The following SMURF1 variants were observed in gnomAD, a reference collection of about 807,000 sequenced individuals.
The protein encoded by SMURF1 is E3 ubiquitin-protein ligase SMURF1.
In SMURF1, 44 loss-of-function variants were observed where a neutral mutation model predicts 98.0. That is an observed-to-expected ratio of 0.45 (90% CI 0.35 to 0.58). SMURF1 has a LOEUF of 0.58. Ranked by LOEUF, SMURF1 falls within the 20% of genes least tolerant of loss-of-function variation. SMURF1 has a pLI of 0.00. For synonymous variants in SMURF1, 396 were observed against 374.9 expected (o/e 1.06, Z -0.65); for missense variants, 687 against 938.4 (o/e 0.73, Z 3.50).
intron 16 of SMURF1, 82 bp from the exon 17 acceptor site, chr7:99,033,203 C>G: frequency 1.5e-6 from 2 of 1,374,054 alleles, no homozygotes; most frequent in Non-Finnish European, 2.0e-6. Flanking sequence ...AGGAGCAGGG[C>G]CCTGACCACA....
chr7:99,099,654 G>A (rs1158544293), intron 1 of SMURF1, among the ~76,000 whole-genome samples: 1 of 152,126 alleles, frequency 6.6e-6, no homozygotes, highest in Non-Finnish European at 1.5e-5. Flanking sequence ...GGGTCATGGG[G>A]GTGGAGCTCT....
intron 1 of SMURF1, among the ~76,000 whole-genome samples, chr7:99,092,761 G>A (rs1417509613): frequency 2.0e-5 from 3 of 152,134 alleles, no homozygotes; most frequent in Non-Finnish European, 4.4e-5. Flanking sequence ...CAATGTTAAT[G>A]AATCCACGAT....
rs977955469 is a variant in SMURF1 at position 99,029,597 on chromosome 7, T to C, written c.*987A>G. The C allele has an allele frequency of 3.9e-5, 6 of 152,224 alleles. No homozygotes were observed. Among genetic ancestry groups the C allele is most frequent in the African/African-American group, 1.4e-4 (6 of 41,466 alleles). 9.4% of individuals were successfully genotyped at this position (152,224 alleles called of 1,614,324 possible). A position where few individuals can be genotyped will look rare whatever the true frequency, so the allele number is the denominator to read the frequency against. ...CATCATCGAGGTTATCCTTTCACCA[T>C]TGCTTTTAAGCGAGTTCACACCAAG... On this transcript the variant is annotated 3_prime_UTR_variant, in exon 18 of 18. Coordinates refer to ENST00000361368, the MANE Select transcript of SMURF1 (RefSeq NM_181349.3).
intron 1 of SMURF1, among the ~76,000 whole-genome samples, chr7:99,119,444 T>C (rs79734308): frequency 0.05 from 7,623 of 152,202 alleles, 310 homozygotes; most frequent in African/African-American, 0.12. Flanking sequence ...CACAGGAAGG[T>C]TGTTGACCCA....
At chr7:99,077,331 A>AT (rs71118656) in intron 1 of SMURF1, among the ~76,000 whole-genome samples, 36 of 143,160 alleles carry the variant, frequency 2.5e-4, no homozygotes, top group Middle Eastern at 3.6e-3. Context: ...TATTTTTTTT[A>AT]TTTTTTTTTA....
At chr7:99,103,119 CT>C (rs2150592711) in intron 1 of SMURF1, among the ~76,000 whole-genome samples, 1 of 152,078 alleles carries the variant, frequency 6.6e-6, no homozygotes, top group South Asian at 2.1e-4. Flanking sequence ...AATTTTTTTT[CT>C]TTTTTGGTGG....
intron 1 of SMURF1, among the ~76,000 whole-genome samples, chr7:99,117,056 A>AT (rs34755225): frequency 0.063 from 9,445 of 150,510 alleles, 442 homozygotes; most frequent in East Asian, 0.23. Flanking sequence ...TTTACAGTCA[A>AT]TTTTTTTTTT....
intron 17 of SMURF1, 48 bp from the exon 18 acceptor site, chr7:99,030,731 G>A: frequency 6.7e-7 from 1 of 1,498,602 alleles, no homozygotes; most frequent in Non-Finnish European, 9.2e-7. Context: ...CCAGCCCTAG[G>A]ACCAACCTCA....
chr7:99,081,727 A>G (rs921717425), intron 1 of SMURF1, among the ~76,000 whole-genome samples: 2 of 152,214 alleles, frequency 1.3e-5, no homozygotes, highest in Non-Finnish European at 2.9e-5. Context: ...ATCTAGGCTC[A>G]CTGCGATCTC....
At chr7:99,142,455 A>AG (rs1253618493) in intron 1 of SMURF1, among the ~76,000 whole-genome samples, 3 of 151,784 alleles carry the variant, frequency 2.0e-5, no homozygotes, top group Non-Finnish European at 4.4e-5. Flanking sequence ...GGGCTGGACC[A>AG]GGGGGAAGTG....
intron 1 of SMURF1, among the ~76,000 whole-genome samples, chr7:99,081,685 C>T (rs112115411): frequency 0.03 from 4,551 of 152,266 alleles, 234 homozygotes; most frequent in African/African-American, 0.1. Flanking sequence ...GACAGTCTTG[C>T]TCTGTCACCC....
intron 1 of SMURF1, among the ~76,000 whole-genome samples, chr7:99,107,645 G>T (rs545020089): frequency 2.6e-5 from 4 of 152,166 alleles, no homozygotes; most frequent in Non-Finnish European, 5.9e-5. Context: ...CACTGCAAAC[G>T]ATCTTTCTGT....
intron 1 of SMURF1, among the ~76,000 whole-genome samples, chr7:99,096,639 TAAC>T (rs1346192424): frequency 6.6e-5 from 10 of 152,118 alleles, no homozygotes; most frequent in African/African-American, 2.2e-4. Context: ...TGTTTGTACC[TAAC>T]AATAGAGCAT....
intron 1 of SMURF1, 56 bp downstream of exon 1, chr7:99,143,670 A>C: frequency 4.9e-6 from 7 of 1,421,876 alleles, no homozygotes; most frequent in Non-Finnish European, 5.6e-6. Context: ...CCTGCGGGGA[A>C]TTCCGGGGCG....
intron 1 of SMURF1, among the ~76,000 whole-genome samples, chr7:99,063,578 C>A (rs1289580673): frequency 6.6e-6 from 1 of 151,488 alleles, no homozygotes; most frequent in Non-Finnish European, 1.5e-5. Flanking sequence ...GGATAGGCCA[C>A]CATGCCCAAC....
At chr7:99,063,597 G>T (rs148392646) in intron 1 of SMURF1, among the ~76,000 whole-genome samples, 24 of 151,430 alleles carry the variant, frequency 1.6e-4, no homozygotes, top group Non-Finnish European at 3.4e-4. Flanking sequence ...ACCAAGATAC[G>T]ATTTATATAC....
intron 1 of SMURF1, among the ~76,000 whole-genome samples, chr7:99,114,650 A>G (rs1797400326): frequency 6.6e-6 from 1 of 152,198 alleles, no homozygotes; most frequent in Non-Finnish European, 1.5e-5. Flanking sequence ...ACTATAAAGC[A>G]ACTATACCTA....
intron 1 of SMURF1, among the ~76,000 whole-genome samples, chr7:99,095,683 G>A (rs555818054): frequency 2.6e-5 from 4 of 152,288 alleles, no homozygotes; most frequent in East Asian, 1.9e-4. Flanking sequence ...CTAGGTACTC[G>A]AAGTTAAATT....
chr7:99,057,380 T>C (rs1795902647), intron 4 of SMURF1, 38 bp downstream of exon 4: 3 of 1,612,304 alleles, frequency 1.9e-6, no homozygotes, highest in Non-Finnish European at 2.5e-6. Flanking sequence ...AAGCTTTCTT[T>C]GGTTGCATTA....
Sources: gnomAD v4.1 joint callset for allele counts (sites outside exome capture counted in the v4.1 genomes callset) on GRCh38, gnomAD v4.1.1 for gene constraint, MANE v1.5 for transcripts, NCBI Gene and HGNC (gene_info 2026-07-23, HGNC 2026-07-21) for gene names.